The following CIROZ variants were observed in gnomAD, a reference collection of about 807,000 sequenced individuals.
CIROZ encodes the protein ciliated left-right organizer ZP-N domains-containing protein.
At chr1:10,954,170 C>A in the CIROZ span, 1 of 1,603,398 alleles carries the variant, frequency 6.2e-7, no homozygotes, top group Non-Finnish European at 8.5e-7. Flanking sequence ...ATTAGTTGCA[C>A]ATTGGCTGGG....
chr1:10,948,629 T>A, the CIROZ span: 1 of 1,613,936 alleles, frequency 6.2e-7, no homozygotes, highest in Non-Finnish European at 8.5e-7. Context: ...CCGGGTGCGT[T>A]GGCAAGACTG....
chr1:10,956,919 G>A, the CIROZ span: 126 of 976,602 alleles, frequency 1.3e-4, no homozygotes, highest in African/African-American at 1.8e-3. Context: ...GAGAGGAGAG[G>A]TGGGATGAGA....
chr1:10,953,080 C>T, the CIROZ span, among the ~76,000 whole-genome samples: 25 of 152,320 alleles, frequency 1.6e-4, no homozygotes, highest in Middle Eastern at 3.4e-3. Context: ...AACTCACCCC[C>T]AATCCCGCCT....
At chr1:10,964,287 A>G in the CIROZ span, 3 of 1,599,810 alleles carry the variant, frequency 1.9e-6, no homozygotes, top group African/African-American at 2.7e-5. Context: ...AGTAGGGCAA[A>G]ATTCATGTAT....
the CIROZ span, chr1:10,976,137 A>G: frequency 4.6e-6 from 7 of 1,532,370 alleles, no homozygotes; most frequent in Non-Finnish European, 6.1e-6. Context: ...TGCCAACCAT[A>G]AAAGTGTGAT....
At chr1:10,948,696 G>A in the CIROZ span, 101 of 1,594,374 alleles carry the variant, frequency 6.3e-5, no homozygotes, top group East Asian at 2.1e-3. Flanking sequence ...GGGGAGCGTG[G>A]CTGGAGGTGT....
the CIROZ span, chr1:10,976,302 G>C: frequency 8.1e-7 from 1 of 1,234,370 alleles, no homozygotes; most frequent in Non-Finnish European, 1.1e-6. Context: ...CCGCCCAGCT[G>C]CTGCCTCATC....
the CIROZ span, among the ~76,000 whole-genome samples, chr1:10,967,155 G>GAA: frequency 3.4e-5 from 4 of 116,304 alleles, no homozygotes; most frequent in Non-Finnish European, 3.9e-5. Flanking sequence ...TCCAAAAAAA[G>GAA]AAAAAAAAAA....
chr1:10,953,954 GGAAAGA>G, the CIROZ span: 1 of 1,538,482 alleles, frequency 6.5e-7, no homozygotes, highest in Non-Finnish European at 8.7e-7. Flanking sequence ...CCAGGGCCAA[GGAAAGA>G]GGGTTTGTGT....
At chr1:10,953,893 G>A in the CIROZ span, 21 of 1,358,606 alleles carry the variant, frequency 1.5e-5, no homozygotes, top group African/African-American at 2.4e-4. Context: ...CCTTGTAGGT[G>A]TGGGATCTGT....
the CIROZ span, among the ~76,000 whole-genome samples, chr1:10,962,092 C>A: frequency 6.6e-6 from 1 of 152,110 alleles, no homozygotes; most frequent in African/African-American, 2.4e-5. Flanking sequence ...CAGAAGATGC[C>A]CACCCAAATC....
At chr1:10,963,658 C>A in the CIROZ span, among the ~76,000 whole-genome samples, 4 of 151,980 alleles carry the variant, frequency 2.6e-5, no homozygotes, top group African/African-American at 7.3e-5. Flanking sequence ...GGGGCTCAAC[C>A]TTTCTTCCCT....
the CIROZ span, chr1:10,956,951 G>A: frequency 2.2e-6 from 3 of 1,346,760 alleles, no homozygotes; most frequent in Non-Finnish European, 3.1e-6. Context: ...AAGGTGCCCA[G>A]AGGAGGGAGA....
the CIROZ span, among the ~76,000 whole-genome samples, chr1:10,951,619 G>A: frequency 2.0e-5 from 3 of 151,228 alleles, no homozygotes; most frequent in South Asian, 4.2e-4. Flanking sequence ...CAGCTACTCA[G>A]GAGGCTGAGA....
the CIROZ span, chr1:10,956,956 G>C: frequency 3.1e-5 from 43 of 1,378,662 alleles, no homozygotes; most frequent in African/African-American, 5.8e-4. Context: ...GCCCAGAGGA[G>C]GGAGAAAACA....
At chr1:10,949,538 T>C in the CIROZ span, 1 of 1,471,454 alleles carries the variant, frequency 6.8e-7, no homozygotes, top group East Asian at 2.5e-5. Context: ...GAGAAGGGCC[T>C]CAGGCCCAGC....
chr1:10,956,772 C>G, the CIROZ span, among the ~76,000 whole-genome samples: 1 of 152,210 alleles, frequency 6.6e-6, no homozygotes, highest in East Asian at 1.9e-4. Flanking sequence ...CCACCGCGCC[C>G]GGCCGATGAT....
chr1:10,949,377 G>A, the CIROZ span: 1 of 554,112 alleles, frequency 1.8e-6, no homozygotes. Flanking sequence ...GGCCCTGGGA[G>A]GCTGCCGTGA....
At chr1:10,948,329 C>A in the CIROZ span, 1 of 1,613,724 alleles carries the variant, frequency 6.2e-7, no homozygotes, top group Non-Finnish European at 8.5e-7. Flanking sequence ...AAACCAGCTC[C>A]TCTGCAGCCA....
Sources: gnomAD v4.1 joint callset for allele counts (sites outside exome capture counted in the v4.1 genomes callset) on GRCh38, gnomAD v4.1.1 for gene constraint, MANE v1.5 for transcripts, NCBI Gene and HGNC (gene_info 2026-07-23, HGNC 2026-07-21) for gene names.